The following KLHL1 variants were observed in gnomAD, a reference collection of about 807,000 sequenced individuals.
KLHL1 encodes kelch like family member 1, also known as kelch-like protein 1.
Under a neutral mutation model 77.7 loss-of-function variants are expected in KLHL1, and 47 were observed. That is an observed-to-expected ratio of 0.60 (90% confidence interval 0.48 to 0.77). The LOEUF is 0.77. Ranked by LOEUF, KLHL1 falls within the 30% of genes least tolerant of loss-of-function variation. The pLI, the probability that KLHL1 is intolerant of heterozygous loss-of-function variation, is 0.00. For synonymous variants in KLHL1, 360 were observed against 325.2 expected (o/e 1.11, Z -1.15); for missense variants, 925 against 910.8 (o/e 1.02, Z -0.20).
chr13:69,740,398 C>A lies in KLHL1; in HGVS notation c.1798G>T (p.Gly600Cys), dbSNP rs746861654. 6.5e-7 allele frequency: 1 copy of A among 1,541,054 alleles called. No homozygotes were observed. Among genetic ancestry groups the A allele is most frequent in the Non-Finnish European group, 8.8e-7 (1 of 1,137,616 alleles). ...ATAAGAAAAAAATTTACTTACTTGC[C>A]ATTCAATGCTGCTACACCAACTGTG... ...RSTVGVAALN[G>C]KLYSVGGRDG... The change falls in exon 8 of 11, where the codon GGC (glycine) becomes TGC (cysteine). Residue 600 changes from glycine (G) to cysteine (C), a missense_variant. Transcript: ENST00000377844.
At chr13:70,104,967 T>G (rs1888015109) in intron 1 of KLHL1, among the ~76,000 whole-genome samples, 2 of 152,034 alleles carry the variant, frequency 1.3e-5, no homozygotes, top group South Asian at 4.1e-4. Flanking sequence ...GTTTTACTAG[T>G]GTGGTTTTCA....
intron 1 of KLHL1, among the ~76,000 whole-genome samples, chr13:70,045,931 C>T (rs1886484930): frequency 6.6e-6 from 1 of 152,158 alleles, no homozygotes; most frequent in African/African-American, 2.4e-5. Context: ...ATTGCCTCAT[C>T]CTGGTAAAGG....
intron 2 of KLHL1, among the ~76,000 whole-genome samples, chr13:69,974,954 GTA>G (rs1884500035): frequency 1.3e-5 from 2 of 151,996 alleles, no homozygotes; most frequent in Non-Finnish European, 2.9e-5. Flanking sequence ...ATCACCTGCA[GTA>G]GTTATGCAAT....
chr13:70,009,409 C>T (rs1885478453), intron 1 of KLHL1, among the ~76,000 whole-genome samples: 1 of 152,074 alleles, frequency 6.6e-6, no homozygotes, highest in African/African-American at 2.4e-5. Flanking sequence ...ACAAGAAGAG[C>T]ATGTTTAAAG....
intron 5 of KLHL1, among the ~76,000 whole-genome samples, chr13:69,879,531 G>GA (rs1369846138): frequency 1.3e-5 from 2 of 151,836 alleles, no homozygotes; most frequent in Non-Finnish European, 2.9e-5. Context: ...TTAATCATTC[G>GA]AAAAAAAGCA....
intron 1 of KLHL1, among the ~76,000 whole-genome samples, chr13:70,038,581 A>ATTTTTTTTTTT (rs55885952): frequency 2.2e-4 from 16 of 73,044 alleles, no homozygotes; most frequent in East Asian, 1.1e-3. Context: ...ATTGTCATTA[A>ATTTTTTTTTTT]TTTTTTTTTT....
At chr13:69,713,822 A>G (rs1189685182) in intron 9 of KLHL1, among the ~76,000 whole-genome samples, 1 of 152,088 alleles carries the variant, frequency 6.6e-6, no homozygotes, top group African/African-American at 2.4e-5. Context: ...TGGTATTTCT[A>G]CCAAATTTTA....
At chr13:69,923,233 G>A (rs890932429) in intron 4 of KLHL1, among the ~76,000 whole-genome samples, 9 of 152,174 alleles carry the variant, frequency 5.9e-5, no homozygotes, top group South Asian at 4.1e-4. Flanking sequence ...GTTCATTAAC[G>A]TTAAATACTG....
chr13:69,751,433 G>T (rs1394291307), intron 7 of KLHL1, among the ~76,000 whole-genome samples: 2 of 151,982 alleles, frequency 1.3e-5, no homozygotes, highest in Non-Finnish European at 2.9e-5. Flanking sequence ...AAAAAAAATG[G>T]TTCTTGTCCA....
At position 70,108,049 on chromosome 13, in the gene KLHL1, G is replaced by A; in HGVS notation, c.-350C>T. 7.1e-6 allele frequency: 3 copies of A among 424,918 alleles called. No individual in the cohort carries two copies. The highest frequency in any genetic ancestry group is 1.2e-5 in the Non-Finnish European group (3 of 241,050). The allele number at this position is 424,918 out of a possible 1,614,324, so 26.3% of individuals were successfully genotyped here. On this transcript the variant is annotated 5_prime_UTR_variant, in exon 1 of 11. Transcript: ENST00000377844. ...GACAACCCTTAGGCTGGAGATGCGC[G>A]AGGGAGGGAGGTCTGAGCGCTCCGA... is the stretch of plus-strand genomic sequence containing the variant.
chr13:69,978,683 C>T (rs978783940), intron 1 of KLHL1, among the ~76,000 whole-genome samples: 2 of 151,942 alleles, frequency 1.3e-5, no homozygotes, highest in African/African-American at 2.4e-5. Context: ...GACGGGGTTT[C>T]ACCATGTTTG....
At chr13:70,087,642 G>A (rs1887577845) in intron 1 of KLHL1, among the ~76,000 whole-genome samples, 1 of 151,390 alleles carries the variant, frequency 6.6e-6, no homozygotes, top group African/African-American at 2.5e-5. Flanking sequence ...AAAGTCCACT[G>A]TTTCTTTTCA....
At chr13:69,832,041 G>A in intron 6 of KLHL1, among the ~76,000 whole-genome samples, 1 of 149,846 alleles carries the variant, frequency 6.7e-6, no homozygotes, top group East Asian at 1.9e-4. Flanking sequence ...AGTGGAACAA[G>A]GCAAGGATGC....
At chr13:70,047,419 G>GTA (rs1363615418) in intron 1 of KLHL1, among the ~76,000 whole-genome samples, 8 of 151,582 alleles carry the variant, frequency 5.3e-5, no homozygotes, top group Non-Finnish European at 8.8e-5. Flanking sequence ...GTGTGTGTGT[G>GTA]TATAAATATA....
chr13:69,794,706 AG>A (rs1328780452), intron 7 of KLHL1, among the ~76,000 whole-genome samples: 2 of 152,114 alleles, frequency 1.3e-5, no homozygotes, highest in Non-Finnish European at 2.9e-5. Context: ...ACTAAGAAGA[AG>A]AAAGCAATTA....
At chr13:69,974,797 C>G (rs1341011914) in intron 2 of KLHL1, among the ~76,000 whole-genome samples, 1 of 152,012 alleles carries the variant, frequency 6.6e-6, no homozygotes. Flanking sequence ...GGTTTTGCCA[C>G]ACATATTATG....
intron 6 of KLHL1, among the ~76,000 whole-genome samples, chr13:69,806,421 C>T (rs1352010348): frequency 2.0e-5 from 3 of 152,132 alleles, no homozygotes; most frequent in Non-Finnish European, 2.9e-5. Context: ...TCCACAGAGA[C>T]AAACCAGAGT....
At chr13:69,931,894 G>T (rs2138282883) in intron 4 of KLHL1, among the ~76,000 whole-genome samples, 1 of 151,814 alleles carries the variant, frequency 6.6e-6, no homozygotes, top group South Asian at 2.1e-4. Context: ...GATGCATCTT[G>T]TTATGCATTT....
At chr13:69,714,927 T>G (rs7325061) in intron 9 of KLHL1, among the ~76,000 whole-genome samples, 51,674 of 151,870 alleles carry the variant, frequency 0.34, 8,976 homozygotes, top group Non-Finnish European at 0.37. Flanking sequence ...TAATGCTTGT[T>G]TCATTTATTC....
Sources: allele counts gnomAD v4.1 joint callset (sites outside exome capture counted in the v4.1 genomes callset), GRCh38; gene constraint gnomAD v4.1.1; transcripts MANE v1.5; gene names NCBI Gene and HGNC (gene_info 2026-07-23, HGNC 2026-07-21).